The following RPS6KA6 variants were observed in gnomAD, a reference collection of about 807,000 sequenced individuals.
RPS6KA6 encodes the protein ribosomal protein S6 kinase A6, also known as ribosomal protein S6 kinase alpha-6.
Under a neutral mutation model 65.4 loss-of-function variants are expected in RPS6KA6, and 27 were observed. The observed-to-expected ratio is 0.41, with a 90% CI of 0.30 to 0.57. The LOEUF (loss-of-function observed/expected upper bound fraction) is 0.57. Among genes scored for constraint, RPS6KA6 ranks in the 20% least tolerant of loss-of-function variants. The pLI is 0.24. For missense variants in RPS6KA6, 486 were observed against 555.6 expected, an observed-to-expected ratio of 0.87 and a Z score of 1.26; for synonymous variants, 190 against 184.2, an observed-to-expected ratio of 1.03 and a Z score of -0.26.
At chrX:84,091,475 A>G (rs888582923) in intron 20 of RPS6KA6, among the ~76,000 whole-genome samples, 7 of 112,670 alleles carry the variant, frequency 6.2e-5, no homozygotes, top group Admixed American at 9.4e-5. Flanking sequence ...AGAATGTAGT[A>G]CATGCTCTAA....
At chrX:84,086,255 GTTAA>G (rs2033918967) in intron 20 of RPS6KA6, among the ~76,000 whole-genome samples, 1 of 111,281 alleles carries the variant, frequency 9.0e-6, no homozygotes, top group Non-Finnish European at 1.9e-5. Flanking sequence ...ATGTTAGGTT[GTTAA>G]TTAGAGATCT....
chrX:84,120,192 T>C (rs1227403459), intron 8 of RPS6KA6, among the ~76,000 whole-genome samples, 165 bp from the exon 9 acceptor site: 2 of 111,532 alleles, frequency 1.8e-5, no homozygotes, highest in Admixed American at 1.9e-4. Flanking sequence ...AGCCTGTATT[T>C]CATAACAATA....
At chrX:84,150,765 C>T (rs1048027933) in intron 3 of RPS6KA6, among the ~76,000 whole-genome samples, 2 of 101,009 alleles carry the variant, frequency 2.0e-5, no homozygotes, top group Non-Finnish European at 4.0e-5. Context: ...GCAAGAATTA[C>T]CAAAATATGA....
intron 18 of RPS6KA6, among the ~76,000 whole-genome samples, chrX:84,100,772 T>G (rs2034244200): frequency 1.8e-5 from 2 of 110,905 alleles, no homozygotes; most frequent in South Asian, 7.4e-4. Flanking sequence ...TAAAAACTTG[T>G]ACATTATTTT....
intron 2 of RPS6KA6, among the ~76,000 whole-genome samples, chrX:84,157,344 A>G (rs2035434132): frequency 8.9e-6 from 1 of 112,023 alleles, no homozygotes; most frequent in Admixed American, 9.5e-5. Context: ...ATACATCAAA[A>G]TAGTATTTCA....
chrX:84,132,911 A>T (rs918244063), intron 8 of RPS6KA6, among the ~76,000 whole-genome samples: 2 of 100,308 alleles, frequency 2.0e-5, no homozygotes, highest in Non-Finnish European at 4.1e-5. Context: ...AAAGTGGACT[A>T]GTGAAAAAAA....
chrX:84,096,832 C>A (rs1459398443), intron 19 of RPS6KA6, among the ~76,000 whole-genome samples: 1 of 111,134 alleles, frequency 9.0e-6, no homozygotes, highest in Non-Finnish European at 1.9e-5. Flanking sequence ...AACTCCATAG[C>A]CATTACATTT....
chrX:84,099,031 T>C (rs972065487), intron 18 of RPS6KA6, among the ~76,000 whole-genome samples: 1 of 111,154 alleles, frequency 9.0e-6, no homozygotes, highest in Non-Finnish European at 1.9e-5. Flanking sequence ...ACAGTTCCAA[T>C]CATCACCATG....
At chrX:84,160,208 T>C (rs1489009746) in intron 2 of RPS6KA6, among the ~76,000 whole-genome samples, 1 of 111,439 alleles carries the variant, frequency 9.0e-6, no homozygotes, top group Admixed American at 9.5e-5. Context: ...GTTTTATTAT[T>C]TTTTTGCGAC....
chrX:84,116,812 A>C, intron 11 of RPS6KA6, among the ~76,000 whole-genome samples: 1 of 111,415 alleles, frequency 9.0e-6, no homozygotes, highest in East Asian at 2.8e-4. Context: ...GAATCTGTTT[A>C]TTATTTCAAA....
intron 19 of RPS6KA6, 48 bp from the exon 20 acceptor site, chrX:84,096,359 A>T (rs900747610): frequency 1.7e-6 from 1 of 574,787 alleles, no homozygotes; most frequent in Non-Finnish European, 2.6e-6. Context: ...AACATACCCA[A>T]ACAATGAAAG....
intron 3 of RPS6KA6, among the ~76,000 whole-genome samples, chrX:84,150,633 G>T (rs2035283407): frequency 1.8e-5 from 2 of 108,897 alleles, no homozygotes; most frequent in African/African-American, 6.7e-5. Flanking sequence ...TATCAATGAA[G>T]CTCACTGTCT....
chrX:84,136,681 C>T (rs1403834448), intron 6 of RPS6KA6, among the ~76,000 whole-genome samples: 2 of 111,380 alleles, frequency 1.8e-5, no homozygotes, highest in Non-Finnish European at 3.8e-5. Flanking sequence ...TTATGCAAGC[C>T]TATCACCTTG....
chrX:84,113,435 T>C (rs766426698), intron 12 of RPS6KA6, among the ~76,000 whole-genome samples: 2 of 111,538 alleles, frequency 1.8e-5, no homozygotes, highest in South Asian at 7.5e-4. Context: ...GCAAACCAAA[T>C]CCAACAGCAC....
At chrX:84,118,884 T>C (rs1293431071) in intron 9 of RPS6KA6, among the ~76,000 whole-genome samples, 4 of 111,892 alleles carry the variant, frequency 3.6e-5, no homozygotes, top group African/African-American at 1.3e-4. Context: ...AAAAGTTTCC[T>C]CCTACCCAGA....
chrX:84,088,470 T>C lies in RPS6KA6; in HGVS notation c.1971+7724A>G, dbSNP rs1371533447. On this transcript the variant is annotated intron_variant, in intron 20 of 21. Transcript: ENST00000262752. ...AGTATCACTGGTGAAGGCTGTGAAA[T>C]AGCAAAGATGACAATCTGCTCCTTA... 2.7e-5 allele frequency among the ~76,000 whole-genome samples: 3 copies of C among 111,914 alleles called. No homozygotes were observed. The East Asian group carries it at 8.5e-4, about 32-fold the overall frequency.
Position 84,096,203 on chromosome X carries a change from G to A in RPS6KA6, c.1962C>T (p.Asp654=), listed in dbSNP as rs368515757. 70 of 1,143,915 alleles carry A rather than the reference G, an allele frequency of 6.1e-5. No individual in the cohort carries two copies. Among genetic ancestry groups the A allele is most frequent in the Non-Finnish European group, 7.8e-5 (65 of 835,820 alleles). 94.3% of individuals were successfully genotyped at this position (1,143,915 alleles called of 1,213,427 possible). A position where few individuals can be genotyped will look rare whatever the true frequency, so the allele number is the denominator to read the frequency against. ...ACATTATAATTTATACCTTTGCTCC[G>A]TCTGAAATATTGTCCCAGTTTCCAC... ...LSGGNWDNIS[D]GAKDLLSHML... Residue 654 remains aspartate, a synonymous_variant, in exon 20 of 22, where the codon GAC becomes GAT. Coordinates refer to ENST00000262752, the MANE Select transcript of RPS6KA6 (RefSeq NM_014496.5).
chrX:84,109,017 G>A (rs2034417654), intron 12 of RPS6KA6, among the ~76,000 whole-genome samples: 1 of 111,167 alleles, frequency 9.0e-6, no homozygotes. Flanking sequence ...AGAGGCTCGT[G>A]ACCCGCTCTT....
At position 84,064,349 on chromosome X, in the gene RPS6KA6, G is replaced by A. The variant is rs775820017; in HGVS notation, c.2166C>T (p.Val722=). Residue 722 remains valine, a synonymous_variant, in exon 22 of 22, where the codon GTC becomes GTT. Transcript: ENST00000262752. ...AGCTTGAAGCAGCTACAGGCTCTAG[G>A]ACTGGTTGAAAGGTCTTGTGAGTCA... ...SALTHKTFQP[V]LEPVAASSLA... 1.9e-5 allele frequency: 23 copies of A among 1,208,316 alleles called. No individual in the cohort carries two copies. Among genetic ancestry groups the A allele is most frequent in the Non-Finnish European group, 2.5e-5 (22 of 893,829 alleles).
Sources: gnomAD v4.1 joint callset for allele counts (sites outside exome capture counted in the v4.1 genomes callset) on GRCh38, gnomAD v4.1.1 for gene constraint, MANE v1.5 for transcripts, NCBI Gene and HGNC (gene_info 2026-07-23, HGNC 2026-07-21) for gene names.